Variants in KRT14 observed in about 807,000 individuals in gnomAD.
KRT14 encodes keratin 14.
Under a neutral mutation model 44.5 loss-of-function variants are expected in KRT14, and 30 were observed. The ratio of observed to expected loss-of-function variants is 0.67; its 90% CI spans 0.50 to 0.92. KRT14 has a LOEUF of 0.92. Among genes scored for constraint, KRT14 ranks in the 40% least tolerant of loss-of-function variants. The pLI is 0.00. For missense variants in KRT14, 535 were observed against 640.6 expected (o/e 0.84, Z 1.78); for synonymous variants, 241 against 257.6 (o/e 0.94, Z 0.62).
intron 2 of KRT14, 114 bp downstream of exon 2, chr17:41,584,861 A>C (rs1481184639): frequency 2.5e-6 from 2 of 787,018 alleles, no homozygotes; most frequent in East Asian, 5.2e-5. Flanking sequence ...TAAGCACCCC[A>C]GGGAGTTTTC....
At chr17:41,582,828 G>A (rs1378091267) in intron 7 of KRT14, 1 of 602,402 alleles carries the variant, frequency 1.7e-6, no homozygotes, top group East Asian at 2.8e-5. Context: ...AGTGGGAAGA[G>A]CCCTGTAGGG....
chr17:41,584,569 A>G, intron 2 of KRT14, 156 bp from the exon 3 acceptor site: 1 of 750,240 alleles, frequency 1.3e-6, no homozygotes, highest in Non-Finnish European at 2.3e-6. Context: ...GTGCCCATTG[A>G]TTGCTCAGAT....
At chr17:41,585,970 G>A (rs1216578425) in intron 1 of KRT14, among the ~76,000 whole-genome samples, 1 of 152,244 alleles carries the variant, frequency 6.6e-6, no homozygotes, top group Non-Finnish European at 1.5e-5. Flanking sequence ...GGAAGGTAGG[G>A]CACAAGGGCC....
In KRT14 at chr17:41,583,084, A is replaced by T. The variant is rs780388383; in HGVS notation, c.1321+10T>A. ...CTGGAGCCCAGGCCTGCAGAGGAGG[A>T]GGGTCTTACCATCTCTGGATGACTG... is the stretch of plus-strand genomic sequence containing the variant. On this transcript the variant is annotated intron_variant, in intron 7 of 7. Coordinates refer to ENST00000167586, the MANE Select transcript of KRT14 (RefSeq NM_000526.5). 4.3e-6 allele frequency: 7 copies of T among 1,612,374 alleles called. No homozygotes were observed. Among genetic ancestry groups the T allele is most frequent in the Non-Finnish European group, 5.9e-6 (7 of 1,179,654 alleles).
intron 7 of KRT14, chr17:41,582,830 C>A: frequency 1.7e-6 from 1 of 602,766 alleles, no homozygotes. Context: ...TGGGAAGAGC[C>A]CTGTAGGGCC....
chr17:41,583,989 T>C, intron 3 of KRT14, 68 bp from the exon 4 acceptor site: 1 of 1,528,828 alleles, frequency 6.5e-7, no homozygotes, highest in Non-Finnish European at 9.0e-7. Context: ...TCCTTAGGCC[T>C]GAATACTGCC....
Position 41,586,434 on chromosome 17 carries a change from C to T in KRT14, c.401G>A (p.Arg134His), listed in dbSNP as rs61540016. ...DRLASYLDKV[R>H]ALEEANADLE... ...GTCGGCGTTGGCCTCCTCCAGAGCA[C>T]GCACCTTGTCCAGGTAGGAGGCCAG... The change falls in exon 1 of 8, where the codon CGT becomes CAT. Residue 134 changes from arginine (R) to histidine (H), a missense_variant. By Grantham distance (29) the Arg-to-His change is conservative (BLOSUM62 0). Coordinates refer to ENST00000167586, the MANE Select transcript of KRT14 (RefSeq NM_000526.5). 5.6e-6 allele frequency: 9 copies of T among 1,614,032 alleles called. No homozygotes were observed. Among genetic ancestry groups the T allele is most frequent in the South Asian group, 1.1e-5 (1 of 91,088 alleles).
rs753861568 is a variant in KRT14, at chr17:41,583,815, T to C, written c.872A>G (p.Tyr291Cys). The change falls in exon 4 of 8, where the codon TAT (tyrosine) becomes TGT (cysteine). Residue 291 changes from tyrosine to cysteine, a missense_variant. Tyr to Cys is a radical substitution (Grantham distance 194, BLOSUM62 -2). Transcript: ENST00000167586. The part of the protein sequence containing the change: ...SRILNEMRDQ[Y>C]EKMAEKNRKD... ...GCGGTTCTTCTCTGCCATCTTCTCATACTGGTCACGCATCTCGTTCAGAAT... is the reference window on the plus strand; with the variant it reads ...GCGGTTCTTCTCTGCCATCTTCTCACACTGGTCACGCATCTCGTTCAGAAT... The C allele has an allele frequency of 4.3e-6, 7 of 1,614,230 alleles. No homozygotes were observed. The highest frequency in any genetic ancestry group is 5.9e-6 in the Non-Finnish European group (7 of 1,180,034).
At chr17:41,585,355 A>G (rs1907493846) in intron 1 of KRT14, among the ~76,000 whole-genome samples, 1 of 152,154 alleles carries the variant, frequency 6.6e-6, no homozygotes, top group African/African-American at 2.4e-5. Context: ...TGGGGCTTCA[A>G]GTTCCCCACC....
rs768766887 is a variant in KRT14 at position 41,583,095 on chromosome 17, A to G, written c.1320T>C (p.Asp440=). The change falls in exon 7 of 8, where the codon GAT becomes GAC. Residue 440 remains aspartate, a splice_region_variant and synonymous_variant. Transcript: ENST00000167586. ...QFSSGSQSSR[D]VTSSSRQIRT... Reference sequence around the variant, plus strand: ...GCCTGCAGAGGAGGAGGGTCTTACCATCTCTGGATGACTGCGATCCAGAGG... The same window carrying G: ...GCCTGCAGAGGAGGAGGGTCTTACCGTCTCTGGATGACTGCGATCCAGAGG... 1 of 1,612,916 alleles carries G rather than the reference A, an allele frequency of 6.2e-7. No individual in the cohort carries two copies. Among genetic ancestry groups the G allele is most frequent in the Non-Finnish European group, 8.5e-7 (1 of 1,179,908 alleles).
intron 7 of KRT14, chr17:41,582,740 TC>T (rs1907376594): frequency 1.6e-6 from 1 of 621,134 alleles, no homozygotes; most frequent in Non-Finnish European, 2.9e-6. Flanking sequence ...AGAGACAGAG[TC>T]TTTGCCCTCA....
In KRT14 at chr17:41,586,768, C is replaced by T. The variant is rs777522790; in HGVS notation, c.67G>A (p.Gly23Ser). 13 of 1,583,972 alleles carry T rather than the reference C, an allele frequency of 8.2e-6. No homozygotes were observed. Among genetic ancestry groups the T allele is most frequent in the African/African-American group, 6.7e-5 (5 of 74,276 alleles). ...SMKGSCGIGG[G>S]IGGGSSRISS... ...ATGCGGCTGGAGCCGCCCCCGATGC[C>T]GCCCCCGATGCCGCAGGAGCCCTTC... The change falls in exon 1 of 8, where the codon GGC becomes AGC. Residue 23 changes from glycine to serine, a missense_variant. By Grantham distance (56) the Gly-to-Ser change is moderately conservative. Coordinates refer to ENST00000167586, the MANE Select transcript of KRT14 (RefSeq NM_000526.5).
Position 41,582,369 on chromosome 17 carries a change from G to A in KRT14, c.*66C>T. On this transcript the variant is annotated 3_prime_UTR_variant, in exon 8 of 8. Coordinates refer to ENST00000167586, the MANE Select transcript of KRT14 (RefSeq NM_000526.5). The stretch of plus-strand genomic sequence containing the variant: ...GCTGTGAAGTGCTTGGGCAGGAGAG[G>A]GGATCTTCCAGTGGGATCTGTGTCC... 8.0e-7 allele frequency: 1 copy of A among 1,247,330 alleles called. No individual in the cohort carries two copies. Among genetic ancestry groups the A allele is most frequent in the Admixed American group, 2.0e-5 (1 of 50,548 alleles). The allele number at this position is 1,247,330 out of a possible 1,614,324, so 77.3% of individuals were successfully genotyped here. A position where few individuals can be genotyped will look rare whatever the true frequency, so the allele number is the denominator to read the frequency against.
At chr17:41,585,169 C>T (rs527553359) in intron 1 of KRT14, 112 bp from the exon 2 acceptor site, 1 of 840,352 alleles carries the variant, frequency 1.2e-6, no homozygotes, top group Non-Finnish European at 2.0e-6. Flanking sequence ...CCCCCTTTTC[C>T]CCCACAAAAC....
intron 7 of KRT14, 200 bp downstream of exon 7, chr17:41,582,894 G>T: frequency 1.6e-6 from 1 of 641,758 alleles, no homozygotes. Context: ...ACACCACGTA[G>T]AAGCAAGAGG....
intron 2 of KRT14, 82 bp from the exon 3 acceptor site, chr17:41,584,495 C>T (rs1267239280): frequency 6.5e-5 from 98 of 1,518,472 alleles, no homozygotes; most frequent in Non-Finnish European, 8.9e-5. Flanking sequence ...TGCAGCTTCT[C>T]CCAGAGCTGG....
Position 41,583,409 on chromosome 17 carries a change from C to T in KRT14, c.1100G>A (p.Cys367Tyr), listed in dbSNP as rs1216906283. ...CTCCTGGATCTGGGCCAGCTGCATG[C>T]AGTAGCGACCTTTGGTCTCCTCCAG... ...NSLEETKGRYCMQLAQIQEMI... is the reference protein window; with the variant it reads ...NSLEETKGRYYMQLAQIQEMI... Residue 367 changes from cysteine (C) to tyrosine (Y), a missense_variant, in exon 6 of 8, where the codon TGC becomes TAC. Transcript: ENST00000167586. 6.2e-7 allele frequency: 1 copy of T among 1,613,888 alleles called. No homozygotes were observed. Among genetic ancestry groups the T allele is most frequent in the African/African-American group, 1.3e-5 (1 of 74,922 alleles).
In KRT14 at chr17:41,583,341, C is replaced by T. The variant is rs1467006522; in HGVS notation, c.1168G>A (p.Glu390Lys). 1.2e-6 allele frequency: 2 copies of T among 1,613,734 alleles called. No individual in the cohort carries two copies. Among genetic ancestry groups the T allele is most frequent in the South Asian group, 1.1e-5 (1 of 91,056 alleles). The change falls in exon 6 of 8, where the codon GAG becomes AAG. Residue 390 changes from glutamate to lysine, a missense_variant. By Grantham distance (56) the Glu-to-Lys change is moderately conservative (BLOSUM62 1). Coordinates refer to ENST00000167586, the MANE Select transcript of KRT14 (RefSeq NM_000526.5). ...TACTCCTGGTTCTGCTGCTCCATCTCGCAGCGGAGCTGGGCCAGCTGCTCC... is the reference window on the plus strand; with the variant it reads ...TACTCCTGGTTCTGCTGCTCCATCTTGCAGCGGAGCTGGGCCAGCTGCTCC... The part of the protein sequence containing the change: ...VEEQLAQLRC[E>K]MEQQNQEYKI...
rs765939201 is a variant in KRT14 at position 41,583,886 on chromosome 17, A to G, written c.801T>C (p.Asp267=). 1.2e-6 allele frequency: 2 copies of G among 1,613,892 alleles called. No individual in the cohort carries two copies. Among genetic ancestry groups the G allele is most frequent in the Admixed American group, 3.3e-5 (2 of 59,996 alleles). The change falls in exon 4 of 8, where the codon GAT becomes GAC. Residue 267 remains aspartate (D), a synonymous_variant. Transcript: ENST00000167586. ...GTGCAGCGTCCATCTCCACATTGAC[A>G]TCTCCACCCACCTGGCCTCTCAGGG... The part of the protein sequence containing the change: ...MNALRGQVGG[D]VNVEMDAAPG...
Sources: allele counts gnomAD v4.1 joint callset (sites outside exome capture counted in the v4.1 genomes callset), GRCh38; gene constraint gnomAD v4.1.1; transcripts MANE v1.5; gene names NCBI Gene and HGNC (gene_info 2026-07-23, HGNC 2026-07-21).